MICAL2: variants seen among roughly 807,000 people sequenced by gnomAD.
MICAL2 encodes the protein [F-actin]-monooxygenase MICAL2.
In MICAL2, 77 loss-of-function variants were observed where a neutral mutation model predicts 127.3. The observed-to-expected ratio is 0.60, with a 90% confidence interval of 0.50 to 0.73. MICAL2 has a LOEUF of 0.73. MICAL2 is among the 30% of genes least tolerant of loss of function. The pLI is 0.00. For missense variants in MICAL2, 1,351 were observed against 1,434.4 expected (o/e 0.94, Z 0.94); for synonymous variants, 570 against 551.1 (o/e 1.03, Z -0.48).
At chr11:12,149,383 A>G (rs1447869913) in intron 2 of MICAL2, among the ~76,000 whole-genome samples, 1 of 152,204 alleles carries the variant, frequency 6.6e-6, no homozygotes, top group African/African-American at 2.4e-5. Context: ...TTGAACAGCA[A>G]TGGAACCTGA....
At chr11:12,194,700 C>T (rs1271072515) in intron 3 of MICAL2, among the ~76,000 whole-genome samples, 1 of 151,908 alleles carries the variant, frequency 6.6e-6, no homozygotes, top group Non-Finnish European at 1.5e-5. Context: ...AGAAGAAGAT[C>T]GCTGGCCAGA....
chr11:12,353,898 C>A (rs1365704448), intron 33 of MICAL2, among the ~76,000 whole-genome samples: 1 of 152,182 alleles, frequency 6.6e-6, no homozygotes, highest in African/African-American at 2.4e-5. Flanking sequence ...GTACCACAGT[C>A]AGAGACTTGG....
At chr11:12,139,151 G>A (rs544629190) in intron 2 of MICAL2, among the ~76,000 whole-genome samples, 1 of 152,292 alleles carries the variant, frequency 6.6e-6, no homozygotes, top group African/African-American at 2.4e-5. Flanking sequence ...GCTCACTGGT[G>A]TCCAATGGAG....
chr11:12,325,382 T>C (rs1469351860), intron 31 of MICAL2, among the ~76,000 whole-genome samples: 1 of 152,232 alleles, frequency 6.6e-6, no homozygotes, highest in Non-Finnish European at 1.5e-5. Flanking sequence ...AATGCTGAGA[T>C]TACTGGTGTG....
chr11:12,117,529 G>A (rs1473320156), intron 1 of MICAL2, among the ~76,000 whole-genome samples: 1 of 152,230 alleles, frequency 6.6e-6, no homozygotes, highest in Non-Finnish European at 1.5e-5. Flanking sequence ...CAGGATCTCA[G>A]TATATAGTGT....
intron 3 of MICAL2, among the ~76,000 whole-genome samples, chr11:12,165,803 G>A (rs1452440812): frequency 6.6e-6 from 1 of 152,246 alleles, no homozygotes; most frequent in Non-Finnish European, 1.5e-5. Flanking sequence ...GAGGTGTCAG[G>A]GGACAAGCAG....
intron 3 of MICAL2, among the ~76,000 whole-genome samples, chr11:12,199,313 C>T (rs115825374): frequency 6.6e-6 from 1 of 152,112 alleles, no homozygotes; most frequent in African/African-American, 2.4e-5. Flanking sequence ...TGCCAGGCAC[C>T]GTGCAGTTAG....
At chr11:12,303,248 C>T (rs945826645) in intron 29 of MICAL2, among the ~76,000 whole-genome samples, 2 of 151,998 alleles carry the variant, frequency 1.3e-5, no homozygotes, top group Non-Finnish European at 1.5e-5. Context: ...TTGCTGTTGA[C>T]GTTTGCATCC....
At chr11:12,260,569 G>A in intron 26 of MICAL2, 1 of 996,422 alleles carries the variant, frequency 1.0e-6, no homozygotes, top group African/African-American at 1.7e-5. Flanking sequence ...CTGCAAAGTG[G>A]ATGATTTAAG....
At chr11:12,256,628 T>A (rs2134657863) in intron 23 of MICAL2, 157 bp from the exon 24 acceptor site, 1 of 681,024 alleles carries the variant, frequency 1.5e-6, no homozygotes, top group East Asian at 2.9e-5. Flanking sequence ...TGGGGGTGTA[T>A]CTTCCTACCC....
intron 29 of MICAL2, among the ~76,000 whole-genome samples, chr11:12,319,028 G>T (rs1195284141): frequency 1.3e-5 from 2 of 152,190 alleles, no homozygotes; most frequent in African/African-American, 4.8e-5. Flanking sequence ...ACATCTGCAA[G>T]TTGGGAAAAT....
chr11:12,215,737 A>C (rs1856062296), intron 7 of MICAL2, among the ~76,000 whole-genome samples: 1 of 152,108 alleles, frequency 6.6e-6, no homozygotes, highest in Admixed American at 6.5e-5. Flanking sequence ...CTACCACTGC[A>C]CTCGGGTTTT....
chr11:12,271,911 A>T (rs76739057), upstream of MICAL2, among the ~76,000 whole-genome samples: 702 of 152,216 alleles, frequency 4.6e-3, 3 homozygotes, highest in African/African-American at 0.016. Context: ...GCCCAGAGGA[A>T]GTACCAGCTT....
intron 3 of MICAL2, among the ~76,000 whole-genome samples, chr11:12,202,295 T>C (rs1854122041): frequency 6.6e-6 from 1 of 152,188 alleles, no homozygotes; most frequent in Non-Finnish European, 1.5e-5. Context: ...TTTTTATTCC[T>C]GGCAAACCAG....
At chr11:12,173,323 C>T (rs1856487407) in intron 3 of MICAL2, among the ~76,000 whole-genome samples, 1 of 152,208 alleles carries the variant, frequency 6.6e-6, no homozygotes, top group Non-Finnish European at 1.5e-5. Context: ...GGACAGCTGT[C>T]AAAATCTGAG....
intron 3 of MICAL2, among the ~76,000 whole-genome samples, chr11:12,183,825 G>C (rs528708143): frequency 6.6e-6 from 1 of 152,178 alleles, no homozygotes; most frequent in South Asian, 2.1e-4. Flanking sequence ...CTGTTGTCCA[G>C]GCTGTTGTGC....
At chr11:12,355,662 T>G (rs74509157) in intron 34 of MICAL2, among the ~76,000 whole-genome samples, 4,988 of 152,252 alleles carry the variant, frequency 0.033, 292 homozygotes, top group African/African-American at 0.11. Context: ...TATCACTGAT[T>G]TGTATTTAGG....
At chr11:12,294,947 G>A (rs149110766), downstream of MICAL2, 272 of 1,356,138 alleles carry the variant, frequency 2.0e-4, no homozygotes, top group African/African-American at 3.6e-3. Context: ...CTTTCACTTC[G>A]TTTTGCTTCT....
chr11:12,272,358 A>T (rs1343120172), upstream of MICAL2, among the ~76,000 whole-genome samples: 1 of 152,138 alleles, frequency 6.6e-6, no homozygotes, highest in Non-Finnish European at 1.5e-5. Flanking sequence ...TGCCTCTTCC[A>T]TGCCTCACTC....
Sources: gnomAD v4.1 joint callset for allele counts (sites outside exome capture counted in the v4.1 genomes callset) on GRCh38, gnomAD v4.1.1 for gene constraint, MANE v1.5 for transcripts, NCBI Gene and HGNC (gene_info 2026-07-23, HGNC 2026-07-21) for gene names.